Variants in LMO7 observed in about 807,000 individuals in gnomAD.
LMO7 encodes the protein LIM domain only protein 7.
A neutral mutation model predicts 206.5 loss-of-function variants in LMO7; 120 were observed. The ratio of observed to expected loss-of-function variants is 0.58; its 90% CI spans 0.50 to 0.68. The LOEUF (loss-of-function observed/expected upper bound fraction) is 0.68. Among genes scored for constraint, LMO7 ranks in the 30% least tolerant of loss-of-function variants. The pLI is 0.00. For missense variants in LMO7, 1,959 were observed against 1,957.9 expected, an observed-to-expected ratio of 1.00 and a Z score of -0.01; for synonymous variants, 706 against 681.5, an observed-to-expected ratio of 1.04 and a Z score of -0.56.
chr13:75,755,652 C>T (rs1471402217), intron 3 of LMO7, among the ~76,000 whole-genome samples: 1 of 152,168 alleles, frequency 6.6e-6, no homozygotes, highest in Non-Finnish European at 1.5e-5. Flanking sequence ...AGCTGGGCAT[C>T]TGAAACTCAA....
chr13:75,787,413 G>A (rs957874488), intron 4 of LMO7, among the ~76,000 whole-genome samples: 3 of 152,096 alleles, frequency 2.0e-5, no homozygotes, highest in African/African-American at 7.2e-5. Context: ...CTTTGAATGC[G>A]TGTGTGTGTG....
chr13:75,753,113 A>G (rs1022546784), intron 3 of LMO7, among the ~76,000 whole-genome samples: 4 of 152,198 alleles, frequency 2.6e-5, no homozygotes, highest in African/African-American at 9.6e-5. Context: ...CTGTCTTTTT[A>G]ATAATAGTCA....
intron 1 of LMO7, among the ~76,000 whole-genome samples, chr13:75,670,033 CT>C (rs1594174585): frequency 6.6e-6 from 1 of 152,136 alleles, no homozygotes; most frequent in East Asian, 1.9e-4. Context: ...CAACACTTGC[CT>C]TTTATAGGCC....
At chr13:75,790,710 A>G (rs2053152754) in intron 4 of LMO7, among the ~76,000 whole-genome samples, 1 of 152,176 alleles carries the variant, frequency 6.6e-6, no homozygotes, top group African/African-American at 2.4e-5. Context: ...GCATGAGTCC[A>G]CTTGAGAGCT....
At chr13:75,699,280 A>T (rs2042112750) in intron 1 of LMO7, among the ~76,000 whole-genome samples, 1 of 152,122 alleles carries the variant, frequency 6.6e-6, no homozygotes, top group Non-Finnish European at 1.5e-5. Flanking sequence ...CCACTCACAG[A>T]TTTAATGTCT....
intron 3 of LMO7, among the ~76,000 whole-genome samples, chr13:75,749,113 C>G (rs1379549041): frequency 6.6e-6 from 1 of 152,120 alleles, no homozygotes; most frequent in Non-Finnish European, 1.5e-5. Context: ...CAGTGAGTCC[C>G]TGGGGCTGGA....
At chr13:75,765,304 A>C (rs761993927) in intron 4 of LMO7, among the ~76,000 whole-genome samples, 3 of 150,862 alleles carry the variant, frequency 2.0e-5, no homozygotes, top group Non-Finnish European at 4.4e-5. Flanking sequence ...AAATAATTTA[A>C]ACCTAGTTTT....
At chr13:75,838,929 A>T (rs2059366215) in intron 20 of LMO7, among the ~76,000 whole-genome samples, 1 of 152,192 alleles carries the variant, frequency 6.6e-6, no homozygotes, top group Non-Finnish European at 1.5e-5. Context: ...AACATTTGAG[A>T]TGCAATGGTC....
chr13:75,782,323 C>G (rs1048787634), intron 4 of LMO7, among the ~76,000 whole-genome samples: 1 of 152,204 alleles, frequency 6.6e-6, no homozygotes, highest in East Asian at 1.9e-4. Flanking sequence ...AAATGATCCT[C>G]ATATGCTGTG....
At chr13:75,794,945 A>AC (rs2053771184) in intron 4 of LMO7, among the ~76,000 whole-genome samples, 1 of 152,106 alleles carries the variant, frequency 6.6e-6, no homozygotes, top group Non-Finnish European at 1.5e-5. Flanking sequence ...ATGAAAAAAA[A>AC]ACCCCATCAG....
chr13:75,762,699 T>C (rs1188058729), intron 4 of LMO7, among the ~76,000 whole-genome samples: 1 of 152,160 alleles, frequency 6.6e-6, no homozygotes. Flanking sequence ...GTGAGAAGCA[T>C]GCAGAACAAC....
intron 1 of LMO7, among the ~76,000 whole-genome samples, chr13:75,700,077 G>C (rs1222987860): frequency 3.3e-5 from 5 of 152,164 alleles, no homozygotes; most frequent in African/African-American, 1.2e-4. Flanking sequence ...GGCCCTGCAG[G>C]CAGTCAGGCC....
intron 3 of LMO7, among the ~76,000 whole-genome samples, chr13:75,737,895 A>G (rs1171585126): frequency 7.6e-6 from 1 of 131,460 alleles, no homozygotes; most frequent in Non-Finnish European, 1.5e-5. Flanking sequence ...TGTACTCTTC[A>G]CCCAGTTTTC....
Position 75,849,297 on chromosome 13 carries a change from G to A in LMO7, c.4364+5G>A. On this transcript the variant is annotated splice_donor_5th_base_variant and intron_variant, in intron 27 of 30. Transcript: ENST00000377534. Reference sequence around the variant, plus strand: ...TCTTCCTGGGATCATGAGAAGGTGCGAGACATCTTAGGAATTGGTTTCTTG... The same window carrying A: ...TCTTCCTGGGATCATGAGAAGGTGCAAGACATCTTAGGAATTGGTTTCTTG... 2 of 1,608,776 alleles carry A rather than the reference G, an allele frequency of 1.2e-6. No individual in the cohort carries two copies. Among genetic ancestry groups the A allele is most frequent in the East Asian group, 2.2e-5 (1 of 44,810 alleles).
intron 4 of LMO7, among the ~76,000 whole-genome samples, chr13:75,762,709 C>T (rs1486062425): frequency 3.3e-5 from 5 of 152,140 alleles, no homozygotes; most frequent in African/African-American, 1.2e-4. Flanking sequence ...TGCAGAACAA[C>T]TTGTTTCAGT....
chr13:75,830,030 A>G (rs1267561372), intron 15 of LMO7, among the ~76,000 whole-genome samples: 1 of 152,158 alleles, frequency 6.6e-6, no homozygotes, highest in Non-Finnish European at 1.5e-5. Flanking sequence ...GGTTTCCCCC[A>G]ACAATTTATA....
At chr13:75,624,580 A>G (rs1770185762) in intron 2 of LMO7, among the ~76,000 whole-genome samples, 1 of 152,192 alleles carries the variant, frequency 6.6e-6, no homozygotes, top group African/African-American at 2.4e-5. Context: ...AGACTGGGCA[A>G]TTTATAAAAG....
intron 3 of LMO7, among the ~76,000 whole-genome samples, chr13:75,733,826 A>C (rs557352371): frequency 1.2e-3 from 179 of 152,158 alleles, no homozygotes; most frequent in African/African-American, 3.7e-3. Flanking sequence ...GTGCCCTCAA[A>C]CTTCATATGT....
At chr13:75,856,666 A>T (rs2060986475) in intron 30 of LMO7, 58 bp downstream of exon 30, 1 of 1,002,388 alleles carries the variant, frequency 1.0e-6, no homozygotes, top group East Asian at 2.4e-5. Flanking sequence ...ACGGGTTCCC[A>T]TGCATTTCCC....
Sources: gnomAD v4.1 joint callset for allele counts (sites outside exome capture counted in the v4.1 genomes callset) on GRCh38, gnomAD v4.1.1 for gene constraint, MANE v1.5 for transcripts, NCBI Gene and HGNC (gene_info 2026-07-23, HGNC 2026-07-21) for gene names.